CDKAL1: variants seen among roughly 807,000 people sequenced by gnomAD.
The protein encoded by CDKAL1 is CDKAL1 threonylcarbamoyladenosine tRNA methylthiotransferase.
Under a neutral mutation model 68.2 loss-of-function variants are expected in CDKAL1, and 32 were observed. That is an observed-to-expected ratio of 0.47 (90% CI 0.35 to 0.63). The LOEUF is 0.63. Among genes scored for constraint, CDKAL1 ranks in the 30% least tolerant of loss-of-function variants. The probability of loss-of-function intolerance (pLI) is 0.00; values close to 1 mark genes in which losing one functional copy is unlikely to be tolerated. For synonymous variants in CDKAL1, 234 were observed against 244.3 expected (o/e 0.96, Z 0.39); for missense variants, 606 against 696.7 (o/e 0.87, Z 1.47).
intron 4 of CDKAL1, among the ~76,000 whole-genome samples, chr6:20,645,117 C>G (rs987496627): frequency 2.0e-5 from 3 of 152,152 alleles, no homozygotes; most frequent in African/African-American, 7.2e-5. Flanking sequence ...AAGACACTTA[C>G]TATGAATGGA....
intron 6 of CDKAL1, among the ~76,000 whole-genome samples, chr6:20,757,125 GT>G (rs1187930503): frequency 7.2e-5 from 11 of 152,094 alleles, no homozygotes. Flanking sequence ...TAGAGATAGG[GT>G]TTCACCATGT....
chr6:20,604,069 CTG>C lies in CDKAL1; in HGVS notation c.287-45221_287-45220del, dbSNP rs570314469. ...ATAGACCTCTCTGAATGTCCACAAA[CTG>C]TGAAAATTGAGTGCCATGTGAATGC... On this transcript the variant is annotated intron_variant, in intron 4 of 15. Transcript: ENST00000274695. Among the ~76,000 whole-genome samples, 595 of 152,154 alleles carry C rather than the reference CTG, an allele frequency of 3.9e-3. 3 individuals carry two copies. The highest frequency in any genetic ancestry group is 0.014 in the African/African-American group (562 of 41,510).
intron 9 of CDKAL1, among the ~76,000 whole-genome samples, chr6:20,912,056 C>T (rs1434686007): frequency 2.6e-5 from 4 of 152,148 alleles, no homozygotes; most frequent in African/African-American, 9.7e-5. Context: ...GTTTTTCCAC[C>T]ACATGGTGGT....
At chr6:20,937,422 C>A (rs999442482) in intron 9 of CDKAL1, among the ~76,000 whole-genome samples, 1 of 152,190 alleles carries the variant, frequency 6.6e-6, no homozygotes, top group African/African-American at 2.4e-5. Flanking sequence ...CATTATATAA[C>A]TATCAATACC....
chr6:20,759,781 TGTG>T (rs1349463757), intron 7 of CDKAL1, among the ~76,000 whole-genome samples: 2 of 152,212 alleles, frequency 1.3e-5, no homozygotes, highest in African/African-American at 4.8e-5. Flanking sequence ...TCTTCAACTC[TGTG>T]GTATAATTTT....
chr6:20,602,187 A>C (rs1201358398), intron 4 of CDKAL1, among the ~76,000 whole-genome samples: 1 of 152,154 alleles, frequency 6.6e-6, no homozygotes, highest in Non-Finnish European at 1.5e-5. Flanking sequence ...TTTGCTAAAG[A>C]TACTTATCTA....
intron 7 of CDKAL1, among the ~76,000 whole-genome samples, chr6:20,764,752 G>A (rs1394101716): frequency 1.3e-5 from 2 of 152,108 alleles, no homozygotes; most frequent in Non-Finnish European, 2.9e-5. Flanking sequence ...ATATCTGGGA[G>A]GGTATTGGAC....
At chr6:21,094,603 T>A (rs1268890229) in intron 12 of CDKAL1, among the ~76,000 whole-genome samples, 1 of 152,192 alleles carries the variant, frequency 6.6e-6, no homozygotes, top group Non-Finnish European at 1.5e-5. Context: ...AAAGAACATG[T>A]AGCTTCCTCT....
chr6:20,655,778 A>G (rs1454199359), intron 5 of CDKAL1, among the ~76,000 whole-genome samples: 1 of 152,200 alleles, frequency 6.6e-6, no homozygotes, highest in Non-Finnish European at 1.5e-5. Context: ...TGCTTTACAC[A>G]TTCCACGTTG....
chr6:20,756,897 TTCCTTCCTTCCTTCCTTCCTTCCTTCCC>T lies in CDKAL1; in HGVS notation c.469-1690_469-1663del, dbSNP rs1252165581. 30 of 102,770 alleles carry T rather than the reference TTCCTTCCTTCCTTCCTTCCTTCCTTCCC, an allele frequency of 2.9e-4. 1 individual carries two copies. Among genetic ancestry groups the T allele is most frequent in the African/African-American group, 9.5e-4 (27 of 28,284 alleles). 6.4% of individuals were successfully genotyped at this position (102,770 alleles called of 1,614,324 possible). Reference sequence around the variant, plus strand: ...CTTCCTTCCTTCCTTCCTTCCTTCCTTCCTTCCTTCCTTCCTTCCTTCCTTCCCTCCTTCCCTTCCTTCCCTCCTTCCT... The same window carrying T: ...CTTCCTTCCTTCCTTCCTTCCTTCCTTCCTTCCCTTCCTTCCCTCCTTCCT... On this transcript the variant is annotated intron_variant, in intron 6 of 15. Transcript: ENST00000274695.
At chr6:21,025,856 A>G (rs916357834) in intron 11 of CDKAL1, among the ~76,000 whole-genome samples, 3 of 152,162 alleles carry the variant, frequency 2.0e-5, no homozygotes, top group African/African-American at 7.2e-5. Context: ...CTTATAGGAA[A>G]AAAAGAATAC....
chr6:20,739,803 AT>A (rs1329304410), intron 6 of CDKAL1, among the ~76,000 whole-genome samples, 188 bp downstream of exon 6: 1 of 152,224 alleles, frequency 6.6e-6, no homozygotes, highest in Non-Finnish European at 1.5e-5. Flanking sequence ...GCACAAAAAC[AT>A]GTGTTAGTTT....
chr6:20,655,069 A>G (rs368366407), intron 5 of CDKAL1, among the ~76,000 whole-genome samples: 3 of 152,190 alleles, frequency 2.0e-5, no homozygotes, highest in Non-Finnish European at 4.4e-5. Context: ...TTTTCTTTCT[A>G]TAGCTCTTGT....
chr6:21,097,804 A>G (rs998894544), intron 12 of CDKAL1, among the ~76,000 whole-genome samples: 3 of 152,354 alleles, frequency 2.0e-5, no homozygotes, highest in African/African-American at 7.2e-5. Context: ...CCTGGGAAAC[A>G]TGTTTCAAAT....
At chr6:20,558,928 C>T in intron 4 of CDKAL1, 2 of 238,444 alleles carry the variant, frequency 8.4e-6, no homozygotes, top group South Asian at 1.2e-4. Context: ...CGTGGCTGGC[C>T]CTTAATATGT....
At chr6:20,554,820 G>T (rs1044621042) in intron 4 of CDKAL1, among the ~76,000 whole-genome samples, 1 of 152,158 alleles carries the variant, frequency 6.6e-6, no homozygotes, top group South Asian at 2.1e-4. Context: ...GCCATGCCTG[G>T]TGTGAATGAA....
At chr6:20,677,573 A>G (rs1428818303) in intron 5 of CDKAL1, among the ~76,000 whole-genome samples, 1 of 151,668 alleles carries the variant, frequency 6.6e-6, no homozygotes, top group Non-Finnish European at 1.5e-5. Context: ...CATACCCCAC[A>G]CCAGGGTAAT....
chr6:20,679,798 G>C (rs1020468014), intron 5 of CDKAL1, among the ~76,000 whole-genome samples: 2 of 152,028 alleles, frequency 1.3e-5, no homozygotes, highest in African/African-American at 4.8e-5. Flanking sequence ...ATGCCTAGTA[G>C]CCTTGGACAC....
In CDKAL1 at chr6:20,739,596, A is replaced by G; in HGVS notation, c.449A>G (p.Lys150Arg). The G allele has an allele frequency of 6.2e-7, 1 of 1,610,234 alleles. No individual in the cohort carries two copies. The highest frequency in any genetic ancestry group is 1.7e-4 in the Middle Eastern group (1 of 6,056). ...PQAQPRQDYL[K>R]GLSIIGVQQI... ...GCCCAGCCTCGCCAGGACTACCTTA[A>G]GGGACTGAGTATCATTGGGGTAAGC... The change falls in exon 6 of 16, where the codon AAG (lysine) becomes AGG (arginine). Residue 150 changes from lysine (K) to arginine (R), a missense_variant. Physicochemically the swap from Lys to Arg is conservative, Grantham distance 26. Transcript: ENST00000274695.
Sources: gnomAD v4.1 joint callset for allele counts (sites outside exome capture counted in the v4.1 genomes callset) on GRCh38, gnomAD v4.1.1 for gene constraint, MANE v1.5 for transcripts, NCBI Gene and HGNC (gene_info 2026-07-23, HGNC 2026-07-21) for gene names.